The following KCNIP1 variants were observed in gnomAD, a reference collection of about 807,000 sequenced individuals.
KCNIP1 encodes A-type potassium channel modulatory protein KCNIP1.
A neutral mutation model predicts 33.0 loss-of-function variants in KCNIP1; 18 were observed. The observed-to-expected ratio is 0.55, with a 90% CI of 0.38 to 0.81. KCNIP1 has a LOEUF of 0.81. Ranked by LOEUF, KCNIP1 falls within the 30% of genes least tolerant of loss-of-function variation. The pLI is 0.00. For synonymous variants in KCNIP1, 93 were observed against 98.3 expected, an observed-to-expected ratio of 0.95 and a Z score of 0.32; for missense variants, 238 against 271.6, an observed-to-expected ratio of 0.88 and a Z score of 0.87.
At chr5:170,694,113 T>C (rs1762813193) in intron 1 of KCNIP1, among the ~76,000 whole-genome samples, 1 of 152,140 alleles carries the variant, frequency 6.6e-6, no homozygotes, top group Admixed American at 6.5e-5. Context: ...TTCAGGACAA[T>C]TTTCACTGGA....
intron 1 of KCNIP1, among the ~76,000 whole-genome samples, chr5:170,355,507 C>A (rs1763323953): frequency 6.6e-6 from 1 of 152,156 alleles, no homozygotes; most frequent in South Asian, 2.1e-4. Flanking sequence ...CTAGTGGCGA[C>A]CCAGACCCCA....
intron 1 of KCNIP1, among the ~76,000 whole-genome samples, chr5:170,429,705 G>T (rs1004239952): frequency 2.2e-4 from 34 of 152,054 alleles, no homozygotes; most frequent in African/African-American, 4.8e-5. Context: ...TTTATGGGTG[G>T]GAACATGTGA....
intron 1 of KCNIP1, among the ~76,000 whole-genome samples, chr5:170,595,417 G>A (rs1242704849): frequency 6.6e-6 from 1 of 152,242 alleles, no homozygotes; most frequent in Non-Finnish European, 1.5e-5. Context: ...AAGAAGCAGA[G>A]AAGCCTGCAT....
At chr5:170,681,564 G>T (rs956293267) in intron 1 of KCNIP1, 3 of 157,126 alleles carry the variant, frequency 1.9e-5, no homozygotes, top group African/African-American at 7.2e-5. Flanking sequence ...CCATTATGTT[G>T]ATTAACTTTT....
chr5:170,388,118 G>A (rs1764560176), intron 1 of KCNIP1, among the ~76,000 whole-genome samples: 1 of 152,222 alleles, frequency 6.6e-6, no homozygotes, highest in South Asian at 2.1e-4. Context: ...GCAGGAACCT[G>A]GTTTTACCAG....
At chr5:170,409,478 TG>T (rs1755123384) in intron 1 of KCNIP1, among the ~76,000 whole-genome samples, 1 of 152,296 alleles carries the variant, frequency 6.6e-6, no homozygotes, top group Admixed American at 6.5e-5. Flanking sequence ...TCTTGTAACT[TG>T]GGAACAAACA....
At position 170,504,048 on chromosome 5, in the gene KCNIP1, CA is replaced by C. The variant is rs1270519408; in HGVS notation, c.-524del. 7.1e-6 allele frequency: 7 copies of C among 985,578 alleles called. No homozygotes were observed. In the Admixed American group the frequency reaches 4.3e-4, roughly 61 times the overall value. The allele number at this position is 985,578 out of a possible 1,614,324, so 61.1% of individuals were successfully genotyped here. A position where few individuals can be genotyped will look rare whatever the true frequency, so the allele number is the denominator to read the frequency against. On this transcript the variant is annotated 5_prime_UTR_variant, in exon 1 of 8. Transcript: ENST00000328939. The surrounding 1 kb of genome is among the most constrained non-coding windows in gnomAD (Gnocchi z 6.0). ...TCTCGCCCCGAGCGCTGGCAGCAGG[CA>C]GCAGGCAGCAGGCGGGCGCGCTGTG... is the stretch of plus-strand genomic sequence containing the variant.
At chr5:170,634,604 AGT>A (rs150238869) in intron 1 of KCNIP1, among the ~76,000 whole-genome samples, 1 of 152,060 alleles carries the variant, frequency 6.6e-6, no homozygotes, top group South Asian at 2.1e-4. Context: ...TCTCCCAGGG[AGT>A]GTGTGTGTGT....
chr5:170,676,016 G>A (rs890140064), intron 1 of KCNIP1, among the ~76,000 whole-genome samples: 9 of 151,562 alleles, frequency 5.9e-5, no homozygotes, highest in East Asian at 3.9e-4. Context: ...GAGCTTGGGC[G>A]GACTGTGAAT....
intron 1 of KCNIP1, among the ~76,000 whole-genome samples, chr5:170,468,904 GA>G (rs35038538): frequency 0.055 from 8,154 of 147,740 alleles, 439 homozygotes; most frequent in African/African-American, 0.12. Context: ...TGGCTATAAT[GA>G]AAAAAAAAAA....
At chr5:170,727,983 A>G (rs1764066388) in intron 5 of KCNIP1, among the ~76,000 whole-genome samples, 1 of 152,318 alleles carries the variant, frequency 6.6e-6, no homozygotes, top group East Asian at 1.9e-4. Context: ...CATGACTAAC[A>G]TAGGGTTTAT....
chr5:170,611,558 G>A (rs748368504), intron 1 of KCNIP1, among the ~76,000 whole-genome samples: 9 of 152,180 alleles, frequency 5.9e-5, no homozygotes, highest in Non-Finnish European at 1.0e-4. Flanking sequence ...ACTCAGGGTC[G>A]AAGACACAGA....
chr5:170,505,417 A>G, intron 1 of KCNIP1, among the ~76,000 whole-genome samples: 1 of 152,186 alleles, frequency 6.6e-6, no homozygotes. Context: ...GCAGTTCAAA[A>G]GTTAGTGGTT....
chr5:170,690,052 T>C (rs1054905257), intron 1 of KCNIP1, among the ~76,000 whole-genome samples: 1 of 152,136 alleles, frequency 6.6e-6, no homozygotes, highest in Non-Finnish European at 1.5e-5. Context: ...ACAAAGACAG[T>C]GGTTATGTCT....
intron 1 of KCNIP1, among the ~76,000 whole-genome samples, chr5:170,524,740 G>A (rs1755505378): frequency 6.6e-6 from 1 of 152,120 alleles, no homozygotes; most frequent in South Asian, 2.1e-4. Flanking sequence ...TTTACAGAGG[G>A]AGAAACAGGT....
intron 1 of KCNIP1, among the ~76,000 whole-genome samples, chr5:170,360,044 G>T (rs1763461535): frequency 6.6e-6 from 1 of 152,204 alleles, no homozygotes; most frequent in African/African-American, 2.4e-5. Flanking sequence ...CCTCTGGCAG[G>T]CAGGAGAGTT....
chr5:170,374,447 G>T (rs535070514), intron 1 of KCNIP1, among the ~76,000 whole-genome samples: 2 of 152,232 alleles, frequency 1.3e-5, no homozygotes, highest in South Asian at 4.1e-4. Context: ...TTGCAGCTTG[G>T]ACTGATGAGC....
chr5:170,557,335 C>G (rs916931244), intron 1 of KCNIP1, among the ~76,000 whole-genome samples: 4 of 152,202 alleles, frequency 2.6e-5, no homozygotes, highest in African/African-American at 9.6e-5. Context: ...ACTGAGACAA[C>G]TTTCTCTCCT....
At chr5:170,398,201 T>TA (rs1289749769) in intron 1 of KCNIP1, among the ~76,000 whole-genome samples, 1 of 152,210 alleles carries the variant, frequency 6.6e-6, no homozygotes, top group Non-Finnish European at 1.5e-5. Flanking sequence ...TCAGGTTACT[T>TA]TTGGAATGCC....
Sources: allele counts gnomAD v4.1 joint callset (sites outside exome capture counted in the v4.1 genomes callset), GRCh38; gene constraint gnomAD v4.1.1; non-coding constraint Gnocchi (gnomAD v3.1); transcripts MANE v1.5; gene names NCBI Gene and HGNC (gene_info 2026-07-23, HGNC 2026-07-21).